The following CLYBL variants were observed in gnomAD, a reference collection of about 807,000 sequenced individuals.
CLYBL encodes citramalyl-CoA lyase, also known as citramalyl-CoA lyase, mitochondrial.
A neutral mutation model predicts 38.9 loss-of-function variants in CLYBL; 31 were observed. The ratio of observed to expected loss-of-function variants is 0.80; its 90% CI spans 0.60 to 1.08. CLYBL has a LOEUF of 1.08. CLYBL is among the 50% of genes least tolerant of loss of function. The pLI is 0.00. For missense variants in CLYBL, 434 were observed against 411.6 expected (o/e 1.05, Z -0.47); for synonymous variants, 171 against 158.6 (o/e 1.08, Z -0.59).
chr13:99,897,861 C>G (rs1467615948), downstream of CLYBL, among the ~76,000 whole-genome samples: 1 of 152,026 alleles, frequency 6.6e-6, no homozygotes, highest in Non-Finnish European at 1.5e-5. Context: ...GCAGGAGAAT[C>G]GCTTGACCCG....
At chr13:99,848,927 C>T (rs930937594) in intron 2 of CLYBL, among the ~76,000 whole-genome samples, 25 of 152,128 alleles carry the variant, frequency 1.6e-4, no homozygotes, top group African/African-American at 5.3e-4. Context: ...TCACCTGAGG[C>T]TTGGAGTTTG....
At chr13:99,644,137 GTATA>G (rs2047138382) in intron 1 of CLYBL, among the ~76,000 whole-genome samples, 1 of 151,520 alleles carries the variant, frequency 6.6e-6, no homozygotes, top group African/African-American at 2.4e-5. Context: ...GTGTATGTAT[GTATA>G]TGTGGTGTAT....
At chr13:99,824,943 C>A (rs954423929) in intron 2 of CLYBL, among the ~76,000 whole-genome samples, 3 of 145,180 alleles carry the variant, frequency 2.1e-5, no homozygotes, top group Non-Finnish European at 3.1e-5. Flanking sequence ...CTTCTCACCC[C>A]CTGCCCCCCA....
intron 1 of CLYBL, among the ~76,000 whole-genome samples, chr13:99,694,297 T>G (rs1342984939): frequency 1.3e-5 from 2 of 152,194 alleles, no homozygotes; most frequent in Non-Finnish European, 2.9e-5. Context: ...GGGTCAAGAC[T>G]GCAAACCCGG....
intron 1 of CLYBL, among the ~76,000 whole-genome samples, chr13:99,738,470 T>G (rs1445069137): frequency 6.6e-6 from 1 of 152,100 alleles, no homozygotes; most frequent in Non-Finnish European, 1.5e-5. Context: ...AGGAGACATT[T>G]CCCCAGATGA....
intron 1 of CLYBL, among the ~76,000 whole-genome samples, chr13:99,648,215 G>A (rs944981733): frequency 6.6e-6 from 1 of 152,102 alleles, no homozygotes; most frequent in Non-Finnish European, 1.5e-5. Flanking sequence ...TGGAAAATCC[G>A]TAGTTGTGGG....
At position 99,743,938 on chromosome 13, in the gene CLYBL, C is replaced by T. The variant is rs549315431; in HGVS notation, c.63-28886C>T. Among the ~76,000 whole-genome samples the T allele has an allele frequency of 2.0e-5, 3 of 149,312 alleles. No individual in the cohort carries two copies. In the South Asian group the frequency reaches 6.5e-4, roughly 32 times the overall value. On this transcript the variant is annotated intron_variant, in intron 1 of 8. Coordinates refer to ENST00000339105, the MANE Select transcript of CLYBL (RefSeq NM_206808.5). The stretch of plus-strand genomic sequence containing the variant: ...TGAATTCTTAGATTTTGCTTCTACA[C>T]TCCACTTTCTTTTTTTTTCTCTTCT...
chr13:99,662,922 G>A (rs1168296724), intron 1 of CLYBL, among the ~76,000 whole-genome samples: 1 of 152,162 alleles, frequency 6.6e-6, no homozygotes, highest in African/African-American at 2.4e-5. Context: ...AGACAGTGCT[G>A]AGGTCCGAGA....
downstream of CLYBL, among the ~76,000 whole-genome samples, chr13:99,898,466 C>A (rs1190242832): frequency 6.6e-6 from 1 of 152,206 alleles, no homozygotes; most frequent in East Asian, 1.9e-4. Flanking sequence ...ATAACCCAAA[C>A]CCCCAAATGA....
At chr13:99,692,557 G>A (rs954434380) in intron 1 of CLYBL, among the ~76,000 whole-genome samples, 4 of 152,122 alleles carry the variant, frequency 2.6e-5, no homozygotes, top group African/African-American at 9.7e-5. Context: ...CTCCCAAAGT[G>A]CTGGGATTAC....
chr13:99,800,908 A>C (rs145921706), intron 2 of CLYBL, among the ~76,000 whole-genome samples: 24,753 of 78,194 alleles, frequency 0.32, 2,827 homozygotes, highest in African/African-American at 0.46. Context: ...AAAAAAAAAC[A>C]AAAAAAAAAA....
intron 7 of CLYBL, among the ~76,000 whole-genome samples, chr13:99,883,467 C>T (rs1420424652): frequency 4.0e-5 from 6 of 150,116 alleles, no homozygotes; most frequent in East Asian, 3.9e-4. Context: ...TCCAATGAGC[C>T]GAGATCATGC....
At chr13:99,782,109 GA>G (rs1566324946) in intron 2 of CLYBL, among the ~76,000 whole-genome samples, 1 of 151,764 alleles carries the variant, frequency 6.6e-6, no homozygotes. Flanking sequence ...TTGTATCTCA[GA>G]TCTTCCTGGG....
intron 1 of CLYBL, among the ~76,000 whole-genome samples, chr13:99,666,977 C>T (rs918562095): frequency 2.6e-5 from 4 of 152,064 alleles, no homozygotes; most frequent in Non-Finnish European, 2.9e-5. Flanking sequence ...GCATAGAAGA[C>T]GGGTCCAAAT....
intron 2 of CLYBL, among the ~76,000 whole-genome samples, chr13:99,851,461 G>C (rs2051330452): frequency 6.6e-6 from 1 of 150,662 alleles, no homozygotes; most frequent in Admixed American, 6.6e-5. Flanking sequence ...ATTTAAAGAA[G>C]ATTTAAAAGG....
intron 1 of CLYBL, among the ~76,000 whole-genome samples, chr13:99,747,334 TTC>T (rs2048870960): frequency 6.6e-6 from 1 of 151,208 alleles, no homozygotes; most frequent in Non-Finnish European, 1.5e-5. Context: ...TTTTCTGGTT[TTC>T]TCTCTCACCT....
intron 2 of CLYBL, among the ~76,000 whole-genome samples, chr13:99,778,892 T>C (rs1019950732): frequency 6.6e-6 from 1 of 152,214 alleles, no homozygotes; most frequent in Non-Finnish European, 1.5e-5. Flanking sequence ...AAACAATTCT[T>C]TAAATTTATT....
chr13:99,750,924 A>G (rs1235187048), intron 1 of CLYBL, among the ~76,000 whole-genome samples: 2 of 152,180 alleles, frequency 1.3e-5, no homozygotes, highest in Non-Finnish European at 2.9e-5. Flanking sequence ...ATGTACGATG[A>G]TATAGCCACT....
At chr13:99,761,407 A>G (rs2049163003) in intron 1 of CLYBL, among the ~76,000 whole-genome samples, 1 of 152,216 alleles carries the variant, frequency 6.6e-6, no homozygotes, top group South Asian at 2.1e-4. Context: ...TAGCTCCCAC[A>G]TATGAGTGAC....
Sources: allele counts gnomAD v4.1 joint callset (sites outside exome capture counted in the v4.1 genomes callset), GRCh38; gene constraint gnomAD v4.1.1; transcripts MANE v1.5; gene names NCBI Gene and HGNC (gene_info 2026-07-23, HGNC 2026-07-21).